The following COL9A1 variants were observed in gnomAD, a reference collection of about 807,000 sequenced individuals.
The protein encoded by COL9A1 is collagen type IX alpha 1 chain.
Under a neutral mutation model 142.6 loss-of-function variants are expected in COL9A1, and 104 were observed. The observed-to-expected ratio is 0.73, with a 90% CI of 0.62 to 0.86. The LOEUF (loss-of-function observed/expected upper bound fraction) is 0.86. Ranked by LOEUF, COL9A1 falls within the 40% of genes least tolerant of loss-of-function variation. The pLI is 0.00. For missense variants in COL9A1, 1,210 were observed against 1,176.6 expected, an observed-to-expected ratio of 1.03 and a Z score of -0.42; for synonymous variants, 466 against 396.0, an observed-to-expected ratio of 1.18 and a Z score of -2.10.
intron 10 of COL9A1, among the ~76,000 whole-genome samples, chr6:70,279,230 T>G (rs1772957631): frequency 6.6e-6 from 1 of 152,230 alleles, no homozygotes; most frequent in African/African-American, 2.4e-5. Flanking sequence ...CTCTTTTTAT[T>G]ATGGTATGAC....
chr6:70,265,095 C>G (rs1315183772), intron 18 of COL9A1, among the ~76,000 whole-genome samples: 1 of 152,046 alleles, frequency 6.6e-6, no homozygotes, highest in Admixed American at 6.5e-5. Flanking sequence ...TTTCAACAAC[C>G]TTCAAAGTAA....
At chr6:70,279,120 C>A (rs887936305) in intron 10 of COL9A1, among the ~76,000 whole-genome samples, 3 of 152,116 alleles carry the variant, frequency 2.0e-5, no homozygotes, top group African/African-American at 7.2e-5. Flanking sequence ...ATTTTCTTTT[C>A]ATCCAAAACT....
In COL9A1 at chr6:70,216,418, T is replaced by A. The variant is rs1301102700; in HGVS notation, c.*479A>T. 5.7e-6 allele frequency: 1 copy of A among 174,022 alleles called. No homozygotes were observed. The highest frequency in any genetic ancestry group is 1.5e-4 in the East Asian group (1 of 6,572). 10.8% of individuals were successfully genotyped at this position (174,022 alleles called of 1,614,324 possible). ...ACATCGATGAGATTTTAAGCACCAATTCCATTGAATGTAGTGGGGTTTCTT... is the reference window on the plus strand; with the variant it reads ...ACATCGATGAGATTTTAAGCACCAAATCCATTGAATGTAGTGGGGTTTCTT... On this transcript the variant is annotated 3_prime_UTR_variant, in exon 38 of 38. Transcript: ENST00000357250.
At chr6:70,260,817 T>A in intron 19 of COL9A1, 107 bp from the exon 20 acceptor site, 1 of 1,003,734 alleles carries the variant, frequency 1.0e-6, no homozygotes, top group South Asian at 1.4e-5. Flanking sequence ...TAACCAAAGG[T>A]AATACCAAGA....
intron 7 of COL9A1, 62 bp from the exon 8 acceptor site, chr6:70,281,526 C>T (rs561650156): frequency 2.2e-6 from 3 of 1,389,382 alleles, no homozygotes; most frequent in Non-Finnish European, 3.0e-6. Context: ...CAACTGAGCG[C>T]GGTGCCCTGA....
Position 70,271,702 on chromosome 6 carries a change from G to C in COL9A1, c.1096C>G (p.Pro366Ala), listed in dbSNP as rs181644104. The change falls in exon 14 of 38, where the codon CCT (proline) becomes GCT (alanine). Residue 366 changes from proline to alanine, a missense_variant. Transcript: ENST00000357250. Reference sequence around the variant, plus strand: ...TCTCCAGGGAGTCCTGCTGTCCCAGGAGGACCCTGAAGTCAACAAATCAAA... The same window carrying C: ...TCTCCAGGGAGTCCTGCTGTCCCAGCAGGACCCTGAAGTCAACAAATCAAA... The part of the protein sequence containing the change: ...GRGIPGPPGP[P>A]GTAGLPGELG... The C allele has an allele frequency of 6.2e-7, 1 of 1,613,734 alleles. No individual in the cohort carries two copies. Among genetic ancestry groups the C allele is most frequent in the East Asian group, 2.2e-5 (1 of 44,870 alleles).
chr6:70,283,509 C>CGCAGGTGGTTTCTACCTGCCAGGCT (rs1265680895), intron 6 of COL9A1, among the ~76,000 whole-genome samples: 2 of 152,188 alleles, frequency 1.3e-5, no homozygotes, highest in Admixed American at 1.3e-4. Context: ...ACCACACACC[C>CGCAGGTGGTTTCTACCTGCCAGGCT]GCAGGTGGTT....
At chr6:70,279,918 T>C (rs986332549) in intron 10 of COL9A1, 2 of 567,932 alleles carry the variant, frequency 3.5e-6, no homozygotes, top group South Asian at 5.6e-5. Flanking sequence ...AAGTGGTAAC[T>C]TGAAGAGTAA....
At chr6:70,274,608 G>A (rs941348893) in intron 11 of COL9A1, 111 bp downstream of exon 11, 26 of 859,246 alleles carry the variant, frequency 3.0e-5, no homozygotes, top group Non-Finnish European at 4.4e-5. Context: ...TTAGTTGAAC[G>A]AGTGCATTTT....
chr6:70,270,863 T>A (rs1772351406), intron 14 of COL9A1, among the ~76,000 whole-genome samples: 1 of 152,176 alleles, frequency 6.6e-6, no homozygotes, highest in South Asian at 2.1e-4. Context: ...CTGCACCTCT[T>A]GCAATGAGTC....
Position 70,216,767 on chromosome 6 carries a change from T to C in COL9A1, c.*130A>G, listed in dbSNP as rs1768531610. The C allele has an allele frequency of 6.5e-6, 6 of 922,874 alleles. 1 individual carries two copies. In the Admixed American group the frequency reaches 1.2e-4, roughly 18 times the overall value. The allele number at this position is 922,874 out of a possible 1,614,324, so 57.2% of individuals were successfully genotyped here. On this transcript the variant is annotated 3_prime_UTR_variant, in exon 38 of 38. Coordinates refer to ENST00000357250, the MANE Select transcript of COL9A1 (RefSeq NM_001851.6). The stretch of plus-strand genomic sequence containing the variant: ...TGATTGTCAAGTAGGACTTCTGTAA[T>C]CATACTGAAGGTAATACATTGTAAT...
chr6:70,281,160 G>T, intron 8 of COL9A1, 121 bp from the exon 9 acceptor site: 1 of 904,132 alleles, frequency 1.1e-6, no homozygotes, highest in Non-Finnish European at 1.7e-6. Flanking sequence ...CAAACGTGGA[G>T]GTTCATGACC....
In COL9A1 at chr6:70,281,045, G is replaced by C. The variant is rs769456232; in HGVS notation, c.877-6C>G. On this transcript the variant is annotated splice_region_variant and splice_polypyrimidine_tract_variant and intron_variant, in intron 8 of 37. Transcript: ENST00000357250. ...CCCTTAGGACCTCGGTCACCCTGGA[G>C]GGGTAGGAGAAAAAGAGAGAGCAGT... 4 of 1,608,474 alleles carry C rather than the reference G, an allele frequency of 2.5e-6. 1 individual carries two copies. The South Asian group carries it at 3.3e-5, about 13-fold the overall frequency.
intron 5 of COL9A1, among the ~76,000 whole-genome samples, chr6:70,284,431 T>C (rs1001004478): frequency 6.6e-5 from 10 of 152,322 alleles, no homozygotes; most frequent in African/African-American, 2.4e-4. Flanking sequence ...GAAGGAAATA[T>C]AAGACTCAGG....
chr6:70,257,656 A>AGAAT (rs1771405542), intron 20 of COL9A1, among the ~76,000 whole-genome samples: 1 of 152,178 alleles, frequency 6.6e-6, no homozygotes, highest in Non-Finnish European at 1.5e-5. Flanking sequence ...CTAGAGCAAG[A>AGAAT]GAATCACTTG....
chr6:70,291,203 A>G (rs1416767757), intron 5 of COL9A1, among the ~76,000 whole-genome samples: 1 of 152,118 alleles, frequency 6.6e-6, no homozygotes, highest in Non-Finnish European at 1.5e-5. Context: ...GTGTTTGACT[A>G]CCTTCAGTTT....
rs748046538 is a variant in COL9A1, at chr6:70,226,049, A to G, written c.2504-40T>C. 1.3e-5 allele frequency: 20 copies of G among 1,527,706 alleles called. No individual in the cohort carries two copies. The South Asian group carries it at 1.8e-4, about 14-fold the overall frequency. The allele number at this position is 1,527,706 out of a possible 1,614,324, so 94.6% of individuals were successfully genotyped here. Reference sequence around the variant, plus strand: ...AGAAATGTTATTTTTCTACATATCTATAAAAATAAACTTCCGCATCTTTAA... The same window carrying G: ...AGAAATGTTATTTTTCTACATATCTGTAAAAATAAACTTCCGCATCTTTAA... On this transcript the variant is annotated intron_variant, in intron 36 of 37. Transcript: ENST00000357250.
chr6:70,228,662 A>G (rs952777501), intron 36 of COL9A1, among the ~76,000 whole-genome samples: 1 of 152,140 alleles, frequency 6.6e-6, no homozygotes, highest in Non-Finnish European at 1.5e-5. Context: ...TGAAGTGAAT[A>G]TTTAGTCACC....
downstream of COL9A1, chr6:70,215,151 AC>A (rs1251576940): frequency 6.6e-6 from 1 of 152,108 alleles, no homozygotes; most frequent in East Asian, 1.9e-4. Flanking sequence ...TATAACAGAG[AC>A]CTTTATTTTC....
Sources: allele counts gnomAD v4.1 joint callset (sites outside exome capture counted in the v4.1 genomes callset), GRCh38; gene constraint gnomAD v4.1.1; transcripts MANE v1.5; gene names NCBI Gene and HGNC (gene_info 2026-07-23, HGNC 2026-07-21).